The following ZNF638 variants were observed in gnomAD, a reference collection of about 807,000 sequenced individuals.
ZNF638 encodes the protein zinc finger protein 638.
A neutral mutation model predicts 195.6 loss-of-function variants in ZNF638; 46 were observed. That is an observed-to-expected ratio of 0.24 (90% CI 0.19 to 0.30). The LOEUF (loss-of-function observed/expected upper bound fraction) is 0.30. Among genes scored for constraint, ZNF638 ranks in the 10% least tolerant of loss-of-function variants. The pLI is 1.00. For missense variants in ZNF638, 2,440 were observed against 2,325.3 expected (o/e 1.05, Z -1.01); for synonymous variants, 845 against 772.0 (o/e 1.09, Z -1.57).
In ZNF638 at chr2:71,374,773, G is replaced by A. The variant is rs2079389750; in HGVS notation, c.2265+4768G>A. ...GTCTCTACTAAAAATACAAAAATTA[G>A]CTGGGTGCGGTGGTGCATGCATGTA... On this transcript the variant is annotated intron_variant, in intron 8 of 27. Transcript: ENST00000264447. The A allele has an allele frequency of 2.6e-5, 4 of 152,180 alleles. No individual in the cohort carries two copies. The South Asian group carries it at 8.3e-4, about 31-fold the overall frequency. 9.4% of individuals were successfully genotyped at this position (152,180 alleles called of 1,614,324 possible). A position where few individuals can be genotyped will look rare whatever the true frequency, so the allele number is the denominator to read the frequency against.
At chr2:71,402,729 A>T (rs2080031506) in intron 16 of ZNF638, among the ~76,000 whole-genome samples, 1 of 152,178 alleles carries the variant, frequency 6.6e-6, no homozygotes, top group Admixed American at 6.5e-5. Context: ...TTAATAATCA[A>T]CTTGTAGAAA....
rs758633726 is a variant in ZNF638, at chr2:71,408,258, T to C, written c.3261+11T>C. ...ATAGACTTACCAGAGGTAAGATTTA[T>C]CTTTCTTCAGCTTTTGTGATTTTAG... On this transcript the variant is annotated intron_variant, in intron 20 of 27. Coordinates refer to ENST00000264447, the MANE Select transcript of ZNF638 (RefSeq NM_014497.5). 34 of 1,605,964 alleles carry C rather than the reference T, an allele frequency of 2.1e-5. No homozygotes were observed. Among genetic ancestry groups the C allele is most frequent in the Non-Finnish European group, 2.8e-5 (33 of 1,177,522 alleles).
chr2:71,339,030 G>A (rs1334266618), intron 1 of ZNF638, among the ~76,000 whole-genome samples: 1 of 152,020 alleles, frequency 6.6e-6, no homozygotes, highest in Non-Finnish European at 1.5e-5. Flanking sequence ...CCATAAAGAG[G>A]TATATGTATG....
intron 10 of ZNF638, among the ~76,000 whole-genome samples, chr2:71,381,426 T>C (rs1042132480): frequency 1.3e-5 from 2 of 152,134 alleles, no homozygotes; most frequent in African/African-American, 4.8e-5. Context: ...GCAGAGATAC[T>C]ATGAATGGCT....
intron 10 of ZNF638, among the ~76,000 whole-genome samples, chr2:71,383,152 G>A (rs1292471679): frequency 2.0e-5 from 3 of 151,930 alleles, no homozygotes; most frequent in Admixed American, 6.6e-5. Context: ...GTGAAACCCC[G>A]TCTCTACTAA....
chr2:71,393,193 A>G (rs1427809822), intron 10 of ZNF638, among the ~76,000 whole-genome samples: 1 of 152,212 alleles, frequency 6.6e-6, no homozygotes, highest in Non-Finnish European at 1.5e-5. Context: ...CTGCAACACT[A>G]CTAGCACAAG....
chr2:71,428,689 C>T (rs2080591088), intron 25 of ZNF638, 38 bp downstream of exon 25: 1 of 1,532,158 alleles, frequency 6.5e-7, no homozygotes, highest in African/African-American at 1.4e-5. Flanking sequence ...GAAAGTTACA[C>T]AACACAGGAG....
intron 15 of ZNF638, among the ~76,000 whole-genome samples, chr2:71,400,977 G>A (rs1159835767): frequency 6.6e-6 from 1 of 151,962 alleles, no homozygotes; most frequent in African/African-American, 2.4e-5. Context: ...GTTTTCTTAT[G>A]TTTATATCTA....
Position 71,398,762 on chromosome 2 carries a change from A to T in ZNF638, c.2490A>T (p.Ser830=), listed in dbSNP as rs1043426440. The T allele has an allele frequency of 6.2e-7, 1 of 1,612,776 alleles. No individual in the cohort carries two copies. Among genetic ancestry groups the T allele is most frequent in the Non-Finnish European group, 8.5e-7 (1 of 1,178,976 alleles). ...VTVAVKGNKA[S]IKTAKSGGKK... is the part of the protein sequence containing the mutation. Reference sequence around the variant, plus strand: ...TAGCTGTTAAAGGTAATAAAGCTTCAATCAAAACAGGTAAGACTATTGGGG... The same window carrying T: ...TAGCTGTTAAAGGTAATAAAGCTTCTATCAAAACAGGTAAGACTATTGGGG... Residue 830 remains serine (S), a synonymous_variant, in exon 12 of 28, where the codon TCA becomes TCT. Transcript: ENST00000264447.
intron 25 of ZNF638, among the ~76,000 whole-genome samples, chr2:71,429,660 C>T (rs968669346): frequency 6.6e-6 from 1 of 152,176 alleles, no homozygotes; most frequent in Non-Finnish European, 1.5e-5. Flanking sequence ...CCTACTTTTA[C>T]GTCTTAATTT....
chr2:71,357,202 T>C (rs2079038086), intron 3 of ZNF638, among the ~76,000 whole-genome samples: 1 of 152,136 alleles, frequency 6.6e-6, no homozygotes, highest in Non-Finnish European at 1.5e-5. Context: ...TTTGACTCTT[T>C]TGGTTCAATT....
At chr2:71,410,968 T>TC (rs71402978) in intron 20 of ZNF638, among the ~76,000 whole-genome samples, 132 of 62,902 alleles carry the variant, frequency 2.1e-3, no homozygotes, top group Admixed American at 3.4e-3. Context: ...GAAGTTTTTC[T>TC]CCCCACCCAC....
intron 20 of ZNF638, chr2:71,418,207 A>G (rs1019569134): frequency 3.9e-5 from 6 of 155,740 alleles, no homozygotes; most frequent in Non-Finnish European, 5.7e-5. Context: ...ATTTCTAGGT[A>G]TTTTGAATAG....
intron 1 of ZNF638, among the ~76,000 whole-genome samples, chr2:71,336,372 CAAAAAA>C (rs66593443): frequency 3.8e-5 from 4 of 105,558 alleles, no homozygotes; most frequent in Admixed American, 2.1e-4. Flanking sequence ...ATTCCATCTC[CAAAAAA>C]AAAAAAAAAA....
chr2:71,409,096 C>T (rs1405509343), intron 20 of ZNF638, among the ~76,000 whole-genome samples: 1 of 152,056 alleles, frequency 6.6e-6, no homozygotes, highest in African/African-American at 2.4e-5. Context: ...GTACAGAAAT[C>T]CTTATCCCAG....
chr2:71,337,287 C>T (rs1010230055), intron 1 of ZNF638, among the ~76,000 whole-genome samples: 5 of 151,926 alleles, frequency 3.3e-5, no homozygotes, highest in Admixed American at 1.3e-4. Flanking sequence ...GGTTTTTTCC[C>T]GAAAAGTTTG....
intron 21 of ZNF638, among the ~76,000 whole-genome samples, chr2:71,419,630 C>G (rs1382177844): frequency 1.3e-5 from 2 of 152,088 alleles, no homozygotes; most frequent in East Asian, 3.9e-4. Context: ...CAGGTGCATT[C>G]ACATACCTAA....
At chr2:71,367,376 G>A (rs2079218845) in intron 6 of ZNF638, among the ~76,000 whole-genome samples, 1 of 150,662 alleles carries the variant, frequency 6.6e-6, no homozygotes, top group South Asian at 2.1e-4. Flanking sequence ...TCCTGCCTCA[G>A]GCTCCCAGGT....
intron 27 of ZNF638, among the ~76,000 whole-genome samples, chr2:71,433,920 G>A (rs2152611371): frequency 6.6e-6 from 1 of 152,266 alleles, no homozygotes; most frequent in East Asian, 1.9e-4. Flanking sequence ...TAGACTTAAG[G>A]AGGTTACGTA....
Sources: gnomAD v4.1 joint callset for allele counts (sites outside exome capture counted in the v4.1 genomes callset) on GRCh38, gnomAD v4.1.1 for gene constraint, MANE v1.5 for transcripts, NCBI Gene and HGNC (gene_info 2026-07-23, HGNC 2026-07-21) for gene names.